Variants in AS3MT observed in about 807,000 individuals in gnomAD.
AS3MT encodes arsenite methyltransferase, also known as S-adenosyl-L-methionine:arsenic(III) methyltransferase.
Under a neutral mutation model 45.3 loss-of-function variants are expected in AS3MT, and 47 were observed. The ratio of observed to expected loss-of-function variants is 1.04; its 90% CI spans 0.82 to 1.32. The LOEUF (loss-of-function observed/expected upper bound fraction) is 1.32. Ranked by LOEUF, AS3MT falls within the 40% of genes most tolerant of loss-of-function variation. The pLI is 0.00. For synonymous variants in AS3MT, 141 were observed against 152.8 expected, an observed-to-expected ratio of 0.92 and a Z score of 0.57; for missense variants, 396 against 451.1, an observed-to-expected ratio of 0.88 and a Z score of 1.11.
intron 7 of AS3MT, among the ~76,000 whole-genome samples, chr10:102,877,579 A>G (rs1036820689): frequency 6.8e-6 from 1 of 146,176 alleles, no homozygotes; most frequent in Non-Finnish European, 1.5e-5. Flanking sequence ...AAAAAAAAAG[A>G]AAAAATTACT....
chr10:102,889,853 T>A (rs1845039009), intron 9 of AS3MT, among the ~76,000 whole-genome samples: 1 of 151,936 alleles, frequency 6.6e-6, no homozygotes, highest in African/African-American at 2.4e-5. Context: ...TTTTTTTGTA[T>A]TTTTAGTAGA....
intron 6 of AS3MT, among the ~76,000 whole-genome samples, chr10:102,875,536 A>T (rs1844771495): frequency 6.7e-6 from 1 of 149,514 alleles, no homozygotes; most frequent in South Asian, 2.1e-4. Flanking sequence ...CTGTACTCCC[A>T]GCTACTTGGA....
intron 10 of AS3MT, among the ~76,000 whole-genome samples, chr10:102,891,713 T>G (rs1316786858): frequency 1.3e-5 from 2 of 152,088 alleles, no homozygotes; most frequent in African/African-American, 4.8e-5. Flanking sequence ...TTTGGGAGGC[T>G]GAGACAGGCA....
intron 10 of AS3MT, among the ~76,000 whole-genome samples, chr10:102,891,008 C>T (rs546459566): frequency 2.6e-5 from 4 of 152,234 alleles, no homozygotes; most frequent in Admixed American, 6.5e-5. Flanking sequence ...CCACTGTGCC[C>T]GGCCAGTATG....
intron 9 of AS3MT, among the ~76,000 whole-genome samples, chr10:102,880,611 A>G (rs1280308353): frequency 1.3e-5 from 2 of 152,228 alleles, no homozygotes; most frequent in East Asian, 3.8e-4. Context: ...GATATTGTTT[A>G]TGAACGAAGT....
chr10:102,880,076 A>AT (rs1564792253), intron 9 of AS3MT, among the ~76,000 whole-genome samples: 2 of 152,320 alleles, frequency 1.3e-5, no homozygotes, highest in South Asian at 4.1e-4. Context: ...CATTGGATTA[A>AT]TAGGGCTATA....
intron 10 of AS3MT, among the ~76,000 whole-genome samples, chr10:102,895,324 A>G (rs1845145724): frequency 6.6e-6 from 1 of 151,864 alleles, no homozygotes; most frequent in Non-Finnish European, 1.5e-5. Context: ...CAGCCTCACA[A>G]GTAGCTGGGA....
At chr10:102,877,572 A>G (rs909620911) in intron 7 of AS3MT, among the ~76,000 whole-genome samples, 4 of 150,588 alleles carry the variant, frequency 2.7e-5, no homozygotes, top group East Asian at 1.9e-4. Context: ...AAAAAAAAAA[A>G]AAAAAGAAAA....
chr10:102,900,644 T>A lies in AS3MT; in HGVS notation c.1072T>A (p.Ser358Thr). 1 of 1,614,176 alleles carries A rather than the reference T, an allele frequency of 6.2e-7. No individual in the cohort carries two copies. Among genetic ancestry groups the A allele is most frequent in the Non-Finnish European group, 8.5e-7 (1 of 1,180,020 alleles). Residue 358 changes from serine to threonine, a missense_variant, in exon 11 of 11, where the codon TCC becomes ACC. Ser to Thr is a moderately conservative substitution (Grantham distance 58, BLOSUM62 1). Coordinates refer to ENST00000369880, the MANE Select transcript of AS3MT (RefSeq NM_020682.4). Reference protein sequence around the residue: ...KLAEESDSMKSRCVPDAAGGC... With the variant: ...KLAEESDSMKTRCVPDAAGGC... The stretch of plus-strand genomic sequence containing the variant: ...TGCAGAAGAGTCTGACAGTATGAAG[T>A]CCAGATGTGTCCCTGATGCTGCTGG...
At chr10:102,885,323 T>A (rs1481960803) in intron 9 of AS3MT, among the ~76,000 whole-genome samples, 2 of 151,366 alleles carry the variant, frequency 1.3e-5, no homozygotes, top group Non-Finnish European at 2.9e-5. Flanking sequence ...TTCCTTCTTT[T>A]ATTTTATTTT....
At chr10:102,873,850 G>A (rs1844735891) in intron 5 of AS3MT, among the ~76,000 whole-genome samples, 2 of 152,106 alleles carry the variant, frequency 1.3e-5, no homozygotes, top group Admixed American at 6.6e-5. Context: ...ATATTTTCAT[G>A]GTAAATTATA....
intron 10 of AS3MT, among the ~76,000 whole-genome samples, chr10:102,894,285 T>G (rs1227942836): frequency 4.6e-5 from 7 of 151,556 alleles, no homozygotes; most frequent in African/African-American, 1.7e-4. Context: ...CAGCCAGGCG[T>G]GGGGGCAGGC....
rs1738575753 is a variant in AS3MT, at chr10:102,881,155, G to GAAACAGTGTAGTTAGAGGA, written c.885+2166_885+2184dup. The stretch of plus-strand genomic sequence containing the variant: ...TCATCCTATGAATGCCATGGTGAGG[G>GAAACAGTGTAGTTAGAGGA]AAACAGTGTAGTTAGAGGAACAGAT... On this transcript the variant is annotated intron_variant, in intron 9 of 10. Coordinates refer to ENST00000369880, the MANE Select transcript of AS3MT (RefSeq NM_020682.4). This position sits in a 1 kb window ranked among gnomAD's most constrained non-coding sequence, Gnocchi z 4.2. 6.6e-6 allele frequency among the ~76,000 whole-genome samples: 1 copy of GAAACAGTGTAGTTAGAGGA among 152,166 alleles called. No individual in the cohort carries two copies. Among genetic ancestry groups the GAAACAGTGTAGTTAGAGGA allele is most frequent in the Admixed American group, 6.6e-5 (1 of 15,264 alleles).
chr10:102,878,504 G>A lies in AS3MT; in HGVS notation c.736G>A (p.Val246Ile). The change falls in exon 8 of 11, where the codon GTT (valine) becomes ATT (isoleucine). Residue 246 changes from valine to isoleucine, a missense_variant. Val to Ile is a conservative substitution (Grantham distance 29, BLOSUM62 3). Transcript: ENST00000369880. ...AATTCAAAACAAGGAACTGGAAAGA[G>A]TTATCGGTAAGATATGACAGACAGC... Reference protein sequence around the residue: ...ITIQNKELERVIGDCRFVSAT... With the variant: ...ITIQNKELERIIGDCRFVSAT... 6.2e-7 allele frequency: 1 copy of A among 1,613,920 alleles called. No homozygotes were observed. Among genetic ancestry groups the A allele is most frequent in the East Asian group, 2.2e-5 (1 of 44,878 alleles).
At chr10:102,873,009 G>C in intron 4 of AS3MT, 88 bp from the exon 5 acceptor site, 2 of 1,085,630 alleles carry the variant, frequency 1.8e-6, no homozygotes, top group Non-Finnish European at 2.6e-6. Context: ...TCTAGGGGAA[G>C]TATATTCTGT....
intron 10 of AS3MT, among the ~76,000 whole-genome samples, chr10:102,896,652 A>C (rs1845177885): frequency 6.6e-6 from 1 of 151,420 alleles, no homozygotes; most frequent in African/African-American, 2.4e-5. Context: ...CTAAAAATAC[A>C]AAAAAAATTA....
chr10:102,898,960 G>T (rs914959332), intron 10 of AS3MT, among the ~76,000 whole-genome samples: 1 of 152,174 alleles, frequency 6.6e-6, no homozygotes, highest in Non-Finnish European at 1.5e-5. Context: ...GGATGTTGGT[G>T]CAGGAAAGGA....
In AS3MT at chr10:102,901,226, G is replaced by T. The variant is rs1381107975; in HGVS notation, c.*526G>T. On this transcript the variant is annotated 3_prime_UTR_variant, in exon 11 of 11. Transcript: ENST00000369880. ...TTTATTTTTTTGAGATGGAGTCTCG[G>T]TCTGTTGCCCAGGCTGAAGTGCAGT... is the stretch of plus-strand genomic sequence containing the variant. The T allele has an allele frequency of 6.6e-6, 1 of 151,448 alleles. No individual in the cohort carries two copies. Among genetic ancestry groups the T allele is most frequent in the African/African-American group, 2.4e-5 (1 of 41,194 alleles). 9.4% of individuals were successfully genotyped at this position (151,448 alleles called of 1,614,324 possible).
intron 9 of AS3MT, among the ~76,000 whole-genome samples, chr10:102,882,707 T>C (rs1347896181): frequency 2.6e-5 from 4 of 151,880 alleles, no homozygotes; most frequent in Non-Finnish European, 5.9e-5. Context: ...TCTCCTGCCT[T>C]AGCCTCTCGA....
Sources: allele counts gnomAD v4.1 joint callset (sites outside exome capture counted in the v4.1 genomes callset), GRCh38; gene constraint gnomAD v4.1.1; non-coding constraint Gnocchi (gnomAD v3.1); transcripts MANE v1.5; gene names NCBI Gene and HGNC (gene_info 2026-07-23, HGNC 2026-07-21).